COL5A1: variants seen among roughly 807,000 people sequenced by gnomAD.
COL5A1 encodes collagen alpha-1(V) chain.
Under a neutral mutation model 263.7 loss-of-function variants are expected in COL5A1, and 16 were observed. That is an observed-to-expected ratio of 0.06 (90% CI 0.04 to 0.09). The LOEUF (loss-of-function observed/expected upper bound fraction) is 0.09. COL5A1 is among the 10% of genes least tolerant of loss of function. COL5A1 has a pLI of 1.00. For synonymous variants in COL5A1, 1,012 were observed against 1,004.5 expected, an observed-to-expected ratio of 1.01 and a Z score of -0.14; for missense variants, 2,036 against 2,540.5, an observed-to-expected ratio of 0.80 and a Z score of 4.27.
chr9:134,659,695 C>T (rs527446419), intron 1 of COL5A1, among the ~76,000 whole-genome samples: 15 of 152,142 alleles, frequency 9.9e-5, no homozygotes, highest in African/African-American at 2.9e-4. Flanking sequence ...CAGGAGGGAG[C>T]GGGGCCTTTT....
intron 11 of COL5A1, among the ~76,000 whole-genome samples, chr9:134,744,383 AC>A (rs1835399783): frequency 6.6e-6 from 1 of 151,950 alleles, no homozygotes; most frequent in African/African-American, 2.4e-5. Flanking sequence ...ACACATGCAT[AC>A]ATGCACACAC....
At chr9:134,747,709 T>C (rs1232034829) in intron 11 of COL5A1, among the ~76,000 whole-genome samples, 1 of 125,282 alleles carries the variant, frequency 8.0e-6, no homozygotes, top group Non-Finnish European at 1.7e-5. Context: ...ACACATGCAT[T>C]CATACACACA....
At chr9:134,791,377 C>T (rs1298984793) in intron 32 of COL5A1, among the ~76,000 whole-genome samples, 1 of 152,228 alleles carries the variant, frequency 6.6e-6, no homozygotes, top group East Asian at 1.9e-4. Context: ...TTTGCCATCA[C>T]AGCTCTTCAG....
intron 18 of COL5A1, among the ~76,000 whole-genome samples, chr9:134,759,598 C>T (rs1440896215): frequency 2.6e-5 from 3 of 113,902 alleles, no homozygotes; most frequent in Non-Finnish European, 5.1e-5. Flanking sequence ...ATGCATACAC[C>T]CCCACACCCC....
At chr9:134,654,424 TGTGTAGGGCTGG>T (rs1269755384) in intron 1 of COL5A1, among the ~76,000 whole-genome samples, 2 of 94,580 alleles carry the variant, frequency 2.1e-5, no homozygotes, top group Non-Finnish European at 2.1e-5. Context: ...GGGCTGGAGG[TGTGTAGGGCTGG>T]AGGTGTGTAG....
intron 1 of COL5A1, among the ~76,000 whole-genome samples, chr9:134,668,989 A>ATCCATCCATCCC (rs140811138): frequency 7.8e-6 from 1 of 127,676 alleles, no homozygotes; most frequent in African/African-American, 2.9e-5. Flanking sequence ...CCATCCATCC[A>ATCCATCCATCCC]CCCACCCACC....
Position 134,650,740 on chromosome 9 carries a change from C to G in COL5A1, c.109+8444C>G, listed in dbSNP as rs78378214. 5.8e-3 allele frequency among the ~76,000 whole-genome samples: 882 copies of G among 152,376 alleles called. 8 individuals are homozygous for G. The highest frequency in any genetic ancestry group is 0.02 in the African/African-American group (829 of 41,592). ...CTCCCATTGGTGGATGCAGAGGGCACGTTCCCGTGCATGTTCTTCCTCTGG... is the reference window on the plus strand; with the variant it reads ...CTCCCATTGGTGGATGCAGAGGGCAGGTTCCCGTGCATGTTCTTCCTCTGG... On this transcript the variant is annotated intron_variant, in intron 1 of 65. Transcript: ENST00000371817.
Position 134,754,445 on chromosome 9 carries a change from T to G in COL5A1, c.1827+119T>G, listed in dbSNP as rs1835901846. The G allele has an allele frequency of 8.7e-6, 10 of 1,148,878 alleles. No homozygotes were observed. The highest frequency in any genetic ancestry group is 1.3e-5 in the Non-Finnish European group (10 of 763,648). 71.2% of individuals were successfully genotyped at this position (1,148,878 alleles called of 1,614,324 possible). On this transcript the variant is annotated intron_variant, in intron 16 of 65. Transcript: ENST00000371817. This position sits in a 1 kb window ranked among gnomAD's most constrained non-coding sequence, Gnocchi z 4.3. ...GCCACATGAAGCCAGGTGGCTCCCCTTCTTGTGATGGGTGCGTCCATCCCC... is the reference window on the plus strand; with the variant it reads ...GCCACATGAAGCCAGGTGGCTCCCCGTCTTGTGATGGGTGCGTCCATCCCC...
At chr9:134,828,642 A>C (rs796325296) in intron 63 of COL5A1, among the ~76,000 whole-genome samples, 1,648 of 151,062 alleles carry the variant, frequency 0.011, 36 homozygotes, top group African/African-American at 0.038. Context: ...CACACGATAA[A>C]CACCACACAT....
chr9:134,772,904 C>T (rs747492772), intron 26 of COL5A1, 70 bp downstream of exon 26: 6 of 1,479,568 alleles, frequency 4.1e-6, no homozygotes, highest in Non-Finnish European at 5.7e-6. Context: ...CTGGGCTCAG[C>T]CTCTGCTCAG....
In COL5A1 at chr9:134,678,449, G is replaced by T. The variant is rs138945787; in HGVS notation, c.110-12463G>T. On this transcript the variant is annotated intron_variant, in intron 1 of 65. Transcript: ENST00000371817. This position sits in a 1 kb window ranked among gnomAD's most constrained non-coding sequence, Gnocchi z 5.5. ...AACAGGCTCATTGCAGTGGCCTGCCGCCCCGGTGTGTGTCCCTGACTCAGG... is the reference window on the plus strand; with the variant it reads ...AACAGGCTCATTGCAGTGGCCTGCCTCCCCGGTGTGTGTCCCTGACTCAGG... 1.3e-5 allele frequency among the ~76,000 whole-genome samples: 2 copies of T among 152,190 alleles called. No homozygotes were observed. The highest frequency in any genetic ancestry group is 2.9e-5 in the Non-Finnish European group (2 of 68,034).
intron 14 of COL5A1, among the ~76,000 whole-genome samples, chr9:134,753,216 C>T (rs1271432329): frequency 6.6e-6 from 1 of 152,204 alleles, no homozygotes; most frequent in Non-Finnish European, 1.5e-5. Context: ...CCAGCCTCAC[C>T]CGCCCCTGCC....
chr9:134,750,720 G>T, intron 12 of COL5A1, 70 bp from the exon 13 acceptor site: 1 of 1,597,394 alleles, frequency 6.3e-7, no homozygotes, highest in Non-Finnish European at 8.6e-7. Context: ...TGTGGGCCCC[G>T]TCTCAGTCTG....
chr9:134,805,882 G>A (rs868572019), intron 41 of COL5A1, among the ~76,000 whole-genome samples: 1 of 152,094 alleles, frequency 6.6e-6, no homozygotes, highest in Non-Finnish European at 1.5e-5. Flanking sequence ...GAGAGAGGGT[G>A]CCCCGTGGGC....
rs529966535 is a variant in COL5A1, at chr9:134,781,668, G to A, written c.2431-999G>A. 8.5e-5 allele frequency among the ~76,000 whole-genome samples: 13 copies of A among 152,328 alleles called. No homozygotes were observed. In the East Asian group the frequency reaches 2.1e-3, roughly 25 times the overall value. On this transcript the variant is annotated intron_variant, in intron 28 of 65. Coordinates refer to ENST00000371817, the MANE Select transcript of COL5A1 (RefSeq NM_000093.5). ...TTCCCGAGGGCCACGCAGGCAGCCC[G>A]ACATGGTCTGGGGAAGGAGTGGGGC...
intron 9 of COL5A1, among the ~76,000 whole-genome samples, chr9:134,734,684 G>T (rs971250169): frequency 6.6e-6 from 1 of 152,188 alleles, no homozygotes; most frequent in Non-Finnish European, 1.5e-5. Context: ...AGGAATCCAC[G>T]GAACCGAGAG....
Position 134,842,104 on chromosome 9 carries a change from C to A in COL5A1, c.5371-53C>A. 6.2e-7 allele frequency: 1 copy of A among 1,608,934 alleles called. No homozygotes were observed. Among genetic ancestry groups the A allele is most frequent in the Admixed American group, 1.7e-5 (1 of 59,990 alleles). ...GATTGTGGGGGGTGATTGGTAAACC[C>A]CAAGACCCCCAACTGTTCTTAACCA... On this transcript the variant is annotated intron_variant, in intron 65 of 65. Transcript: ENST00000371817. This position sits in a 1 kb window ranked among gnomAD's most constrained non-coding sequence, Gnocchi z 5.8.
At chr9:134,809,727 G>A (rs974637869) in intron 43 of COL5A1, among the ~76,000 whole-genome samples, 1 of 152,120 alleles carries the variant, frequency 6.6e-6, no homozygotes, top group African/African-American at 2.4e-5. Flanking sequence ...ATTCCAAAAC[G>A]ATGGCTGCAG....
chr9:134,801,829 C>A, intron 37 of COL5A1, 125 bp from the exon 38 acceptor site: 2 of 867,868 alleles, frequency 2.3e-6, no homozygotes, highest in Non-Finnish European at 3.9e-6. Flanking sequence ...GCCTCTTACA[C>A]AAAGTCTGGA....
Sources: allele counts gnomAD v4.1 joint callset (sites outside exome capture counted in the v4.1 genomes callset), GRCh38; gene constraint gnomAD v4.1.1; non-coding constraint Gnocchi (gnomAD v3.1); transcripts MANE v1.5; gene names NCBI Gene and HGNC (gene_info 2026-07-23, HGNC 2026-07-21).